MRNIP: variants seen among roughly 807,000 people sequenced by gnomAD.
MRNIP encodes the protein MRN complex interacting protein.
Under a neutral mutation model 29.8 loss-of-function variants are expected in MRNIP, and 30 were observed. The observed-to-expected ratio is 1.01, with a 90% CI of 0.75 to 1.36. MRNIP has a LOEUF of 1.36. MRNIP is among the 40% of genes most tolerant of loss of function. MRNIP has a pLI of 0.00. For missense variants in MRNIP, 459 were observed against 423.5 expected, an observed-to-expected ratio of 1.08 and a Z score of -0.74; for synonymous variants, 201 against 164.1, an observed-to-expected ratio of 1.23 and a Z score of -1.72.
chr5:179,844,707 T>A (rs1471964531), intron 3 of MRNIP, among the ~76,000 whole-genome samples: 1 of 152,184 alleles, frequency 6.6e-6, no homozygotes, highest in Non-Finnish European at 1.5e-5. Flanking sequence ...ATTACAAGCG[T>A]GAAGTACGCA....
At chr5:179,840,302 TG>T (rs1044076513) in intron 6 of MRNIP, 1 of 153,934 alleles carries the variant, frequency 6.5e-6, no homozygotes, top group African/African-American at 2.4e-5. Flanking sequence ...CCCAGCTACT[TG>T]GCGGCTGAGG....
At chr5:179,845,587 C>T (rs753927738) in intron 3 of MRNIP, among the ~76,000 whole-genome samples, 5 of 151,650 alleles carry the variant, frequency 3.3e-5, no homozygotes, top group Non-Finnish European at 5.9e-5. Flanking sequence ...CCTCTGCCTC[C>T]CAGGCTCAAG....
chr5:179,843,123 G>GC (rs1758985128), intron 4 of MRNIP, among the ~76,000 whole-genome samples: 1 of 151,844 alleles, frequency 6.6e-6, no homozygotes, highest in South Asian at 2.1e-4. Flanking sequence ...CAACCTAAAT[G>GC]CCACATAATA....
chr5:179,857,361 T>C (rs1759634074), intron 1 of MRNIP, among the ~76,000 whole-genome samples: 1 of 151,848 alleles, frequency 6.6e-6, no homozygotes, highest in African/African-American at 2.4e-5. Flanking sequence ...TTCGGGAGGC[T>C]GAAGCAGGAG....
intron 6 of MRNIP, chr5:179,838,186 A>C (rs910394481): frequency 1.5e-5 from 7 of 451,654 alleles, no homozygotes; most frequent in Non-Finnish European, 2.4e-5. Context: ...TGCCTACAAA[A>C]GAATTTTGAG....
chr5:179,851,602 T>C (rs908985428), intron 2 of MRNIP, among the ~76,000 whole-genome samples: 1 of 152,144 alleles, frequency 6.6e-6, no homozygotes, highest in Admixed American at 6.5e-5. Context: ...GAGATCTCAT[T>C]ACCTTGCCAG....
At chr5:179,845,658 A>AT (rs1759097253) in intron 3 of MRNIP, among the ~76,000 whole-genome samples, 1 of 148,092 alleles carries the variant, frequency 6.8e-6, no homozygotes, top group African/African-American at 2.5e-5. Flanking sequence ...ACCACACCCA[A>AT]TTGACTTTTG....
chr5:179,842,687 G>A lies in MRNIP; in HGVS notation c.292-623C>T, dbSNP rs557068083. On this transcript the variant is annotated intron_variant, in intron 4 of 6. Coordinates refer to ENST00000292586, the MANE Select transcript of MRNIP (RefSeq NM_016175.4). ...TACACTCCAGCCTGGGGGGCAGAGC[G>A]AGACTCCGTCTCAAAAAAAAAAAAA... Among the ~76,000 whole-genome samples, 9 of 98,664 alleles carry A rather than the reference G, an allele frequency of 9.1e-5. No homozygotes were observed. In the Admixed American group the frequency reaches 1.1e-3, roughly 12 times the overall value. The allele number at this position is 98,664 out of a possible 152,430, so 64.7% of individuals were successfully genotyped here.
chr5:179,857,947 G>T (rs995169725), intron 1 of MRNIP, among the ~76,000 whole-genome samples: 9 of 151,200 alleles, frequency 6.0e-5, no homozygotes, highest in African/African-American at 2.2e-4. Flanking sequence ...GGAGGCGGAG[G>T]TTGCGGTGAG....
chr5:179,837,283 CAGTA>C lies in MRNIP; in HGVS notation c.*104_*107del. ...CGTTTGCATAGAGAGAAATGATTGA[CAGTA>C]AGTTTATTGTTAATGGTTCTTACAG... On this transcript the variant is annotated 3_prime_UTR_variant, in exon 7 of 7. Coordinates refer to ENST00000292586, the MANE Select transcript of MRNIP (RefSeq NM_016175.4). 1.9e-6 allele frequency: 3 copies of C among 1,607,324 alleles called. No homozygotes were observed. Among genetic ancestry groups the C allele is most frequent in the Non-Finnish European group, 2.5e-6 (3 of 1,178,278 alleles).
chr5:179,854,135 G>C (rs1465062011), intron 1 of MRNIP, among the ~76,000 whole-genome samples: 10 of 148,192 alleles, frequency 6.7e-5, no homozygotes, highest in African/African-American at 1.3e-4. Flanking sequence ...ATTCTCCTGT[G>C]TCAGCCTCCC....
intron 6 of MRNIP, 125 bp from the exon 7 acceptor site, chr5:179,838,010 G>T: frequency 2.3e-6 from 2 of 860,192 alleles, no homozygotes; most frequent in Non-Finnish European, 1.8e-6. Flanking sequence ...AAGCTGTCAG[G>T]CTGGGACAGG....
chr5:179,850,789 G>A (rs1759335181), intron 2 of MRNIP, among the ~76,000 whole-genome samples: 1 of 152,348 alleles, frequency 6.6e-6, no homozygotes, highest in African/African-American at 2.4e-5. Flanking sequence ...ATTTTCCAGT[G>A]TGCGTGTGGT....
intron 1 of MRNIP, among the ~76,000 whole-genome samples, chr5:179,855,892 CAAGT>C (rs1327168196): frequency 6.8e-6 from 1 of 146,304 alleles, no homozygotes; most frequent in Non-Finnish European, 1.5e-5. Context: ...AGTATATAAA[CAAGT>C]AAGAAAAGTT....
rs543395166 is a variant in MRNIP at position 179,854,019 on chromosome 5, A to ATT, written c.67-584_67-583dup. ...GAGCCACCATGCCTGGCCTGAAATAATTTTTTTTTTTTTTTTTTTGAGACA... is the reference window on the plus strand; with the variant it reads ...GAGCCACCATGCCTGGCCTGAAATAATTTTTTTTTTTTTTTTTTTTTGAGACA... On this transcript the variant is annotated intron_variant, in intron 1 of 6. Transcript: ENST00000292586. Among the ~76,000 whole-genome samples, 7 of 121,222 alleles carry ATT rather than the reference A, an allele frequency of 5.8e-5. No individual in the cohort carries two copies. The South Asian group carries it at 8.2e-4, about 14-fold the overall frequency. 79.5% of individuals were successfully genotyped at this position (121,222 alleles called of 152,430 possible).
In MRNIP at chr5:179,837,673, A is replaced by G. The variant is rs1245849296; in HGVS notation, c.750T>C (p.Leu250=). Residue 250 remains leucine (L), a synonymous_variant, in exon 7 of 7, where the codon CTT becomes CTC. Transcript: ENST00000292586. ...SHVDSEQPRS[L]QRDPRPAGPA... ...GACCAGCTGGCCTGGGGTCCCTCTG[A>G]AGAGACCTTGGCTGCTCACTGTCCA... 6.2e-7 allele frequency: 1 copy of G among 1,614,194 alleles called. No homozygotes were observed. The highest frequency in any genetic ancestry group is 8.5e-7 in the Non-Finnish European group (1 of 1,180,032).
At chr5:179,845,171 ATC>A (rs1227945725) in intron 3 of MRNIP, among the ~76,000 whole-genome samples, 1 of 151,114 alleles carries the variant, frequency 6.6e-6, no homozygotes, top group African/African-American at 2.4e-5. Flanking sequence ...GCTGCATTTA[ATC>A]TGTTTAACGT....
chr5:179,837,548 AC>A lies in MRNIP; in HGVS notation c.874del (p.Val292SerfsTer43), dbSNP rs756422494. ...AVQLPRATHP[V>X]TSGSERPCGK... is the part of the protein sequence containing the mutation. ...GCAAGGCCTCTCAGACCCAGATGTG[AC>A]GGGGTGTGTGGCCCGAGGAAGCTGG... is the stretch of plus-strand genomic sequence containing the variant. On this transcript the variant is annotated frameshift_variant, in exon 7 of 7. Transcript: ENST00000292586. LOFTEE classifies it low-confidence loss of function (END_TRUNC). The A allele has an allele frequency of 6.2e-7, 1 of 1,614,162 alleles. No individual in the cohort carries two copies. Among genetic ancestry groups the A allele is most frequent in the Non-Finnish European group, 8.5e-7 (1 of 1,180,014 alleles).
At chr5:179,840,809 A>T in intron 6 of MRNIP, 63 bp downstream of exon 6, 1 of 1,170,780 alleles carries the variant, frequency 8.5e-7, no homozygotes, top group Non-Finnish European at 1.3e-6. Context: ...GTGACAAAAG[A>T]CAGAATTATC....
Sources: allele counts gnomAD v4.1 joint callset (sites outside exome capture counted in the v4.1 genomes callset), GRCh38; gene constraint gnomAD v4.1.1; transcripts MANE v1.5; gene names NCBI Gene and HGNC (gene_info 2026-07-23, HGNC 2026-07-21).